The following SLC40A1 variants were observed in gnomAD, a reference collection of about 807,000 sequenced individuals.
SLC40A1 encodes ferroportin.
SLC40A1 carries 16 observed loss-of-function variants against 53.5 expected under a neutral mutation model. The observed-to-expected ratio is 0.30, with a 90% confidence interval of 0.20 to 0.45. The LOEUF (loss-of-function observed/expected upper bound fraction) is 0.45. Ranked by LOEUF, SLC40A1 falls within the 20% of genes least tolerant of loss-of-function variation. The pLI is 1.00. For synonymous variants in SLC40A1, 247 were observed against 253.2 expected (o/e 0.98, Z 0.23); for missense variants, 545 against 695.4 (o/e 0.78, Z 2.43).
chr2:189,571,529 A>G (rs2031124635), intron 5 of SLC40A1, among the ~76,000 whole-genome samples, 186 bp downstream of exon 5: 1 of 152,172 alleles, frequency 6.6e-6, no homozygotes, highest in Non-Finnish European at 1.5e-5. Flanking sequence ...CTATAAGTTA[A>G]CTTCGTAACA....
intron 2 of SLC40A1, chr2:189,578,116 T>TAA (rs2031347874): frequency 1.6e-5 from 10 of 644,230 alleles, no homozygotes; most frequent in Non-Finnish European, 1.7e-5. Flanking sequence ...CATATATATA[T>TAA]AATACATATA....
chr2:189,567,925 A>G (rs2030988536), intron 5 of SLC40A1, among the ~76,000 whole-genome samples: 1 of 152,224 alleles, frequency 6.6e-6, no homozygotes, highest in Non-Finnish European at 1.5e-5. Flanking sequence ...AAATAACTCA[A>G]TAATTGGAAT....
rs2030750243 is a variant in SLC40A1 at position 189,561,891 on chromosome 2, G to A, written c.1703C>T (p.Thr568Ile). The change falls in exon 8 of 8, where the codon ACA (threonine) becomes ATA (isoleucine). Residue 568 changes from threonine to isoleucine, a missense_variant. Thr to Ile is a moderately conservative substitution (Grantham distance 89). Around this residue, in one of 4 missense-constraint regions of SLC40A1, gnomAD observed 234 missense variants for 299.0 expected, o/e 0.78. Coordinates refer to ENST00000261024, the MANE Select transcript of SLC40A1 (RefSeq NM_014585.6). ...AGTTAAACTGTCTCAAACAACAGAT[G>A]TATTTGCTTGATTTTCCTTCCTAAC... is the stretch of plus-strand genomic sequence containing the variant. Reference protein sequence around the residue: ...KEVRKENQANTSVV With the variant: ...KEVRKENQANISVV The A allele has an allele frequency of 1.2e-6, 2 of 1,613,060 alleles. No individual in the cohort carries two copies. The highest frequency in any genetic ancestry group is 1.1e-5 in the South Asian group (1 of 91,068).
At chr2:189,577,502 TA>T (rs1236268714) in intron 2 of SLC40A1, among the ~76,000 whole-genome samples, 1 of 152,162 alleles carries the variant, frequency 6.6e-6, no homozygotes, top group Non-Finnish European at 1.5e-5. Context: ...TTATCAGATA[TA>T]AGCAACTGGC....
intron 2 of SLC40A1, among the ~76,000 whole-genome samples, chr2:189,577,794 T>TC (rs2031337047): frequency 6.6e-6 from 1 of 151,954 alleles, no homozygotes. Flanking sequence ...TTAAATTTTT[T>TC]TTTGCAGAGA....
chr2:189,562,312 C>T (rs2105618840), intron 7 of SLC40A1, 121 bp from the exon 8 acceptor site: 1 of 722,288 alleles, frequency 1.4e-6, no homozygotes, highest in South Asian at 1.8e-5. Context: ...CTTTAAGTCA[C>T]CTTAAATATA....
Position 189,563,802 on chromosome 2 carries a change from C to G in SLC40A1, c.1184G>C (p.Gly395Ala), listed in dbSNP as rs1306733740. ...ILCVISVFMP[G>A]SPLDLSVSPF... ...AGAAACGGACAAGTCCAGGGGGCTT[C>G]CAGGCATGAATACAGAGATCACACA... Residue 395 changes from glycine (G) to alanine (A), a missense_variant, in exon 7 of 8, where the codon GGA becomes GCA. This residue lies in a region of SLC40A1 where 234 missense variants were observed against 299.0 expected (regional missense o/e 0.78). Transcript: ENST00000261024. 1 of 1,614,062 alleles carries G rather than the reference C, an allele frequency of 6.2e-7. No individual in the cohort carries two copies. Among genetic ancestry groups the G allele is most frequent in the Non-Finnish European group, 8.5e-7 (1 of 1,180,040 alleles).
In SLC40A1 at chr2:189,575,237, C is replaced by A; in HGVS notation, c.195G>T (p.Gly65=). The A allele has an allele frequency of 1.2e-6, 2 of 1,614,162 alleles. No homozygotes were observed. Among genetic ancestry groups the A allele is most frequent in the East Asian group, 2.2e-5 (1 of 44,888 alleles). ...CCAGAACAGACCCTGCCACCACCAG[C>A]CCGTAGACTGCTGTCAAAAGGAGGC... ...GNSLLLTAVY[G]LVVAGSVLVL... is the part of the protein sequence containing the mutation. The change falls in exon 3 of 8, where the codon GGG becomes GGT. Residue 65 remains glycine (G), a synonymous_variant. Coordinates refer to ENST00000261024, the MANE Select transcript of SLC40A1 (RefSeq NM_014585.6).
chr2:189,563,013 G>T (rs1340780632), intron 7 of SLC40A1, among the ~76,000 whole-genome samples: 1 of 151,574 alleles, frequency 6.6e-6, no homozygotes, highest in African/African-American at 2.4e-5. Context: ...AATTAATATA[G>T]CTAATATCTT....
intron 1 of SLC40A1, 150 bp from the exon 2 acceptor site, chr2:189,580,030 A>C: frequency 4.8e-6 from 4 of 832,170 alleles, no homozygotes; most frequent in Non-Finnish European, 6.1e-6. Flanking sequence ...GTTACCTATG[A>C]ACCGATGTAT....
rs1335490502 is a variant in SLC40A1, at chr2:189,572,915, A to G, written c.318T>C (p.Cys106=). 1.2e-6 allele frequency: 2 copies of G among 1,614,062 alleles called. No individual in the cohort carries two copies. The highest frequency in any genetic ancestry group is 3.3e-5 in the Admixed American group (2 of 60,020). ...AGAAAACCATCATCAGGATGATTCC[A>G]CACAGGATGACTGAAACATTCTGTA... The part of the protein sequence containing the change: ...LVVQNVSVIL[C]GIILMMVFLH... Residue 106 remains cysteine, a synonymous_variant, in exon 4 of 8, where the codon TGT becomes TGC. Coordinates refer to ENST00000261024, the MANE Select transcript of SLC40A1 (RefSeq NM_014585.6).
intron 5 of SLC40A1, among the ~76,000 whole-genome samples, chr2:189,566,438 G>A (rs1166666748): frequency 6.6e-6 from 1 of 152,176 alleles, no homozygotes; most frequent in African/African-American, 2.4e-5. Flanking sequence ...AAATAGACAA[G>A]TCTTTTGGAT....
chr2:189,576,351 A>T (rs1379733937), intron 2 of SLC40A1, among the ~76,000 whole-genome samples: 1 of 152,226 alleles, frequency 6.6e-6, no homozygotes, highest in Admixed American at 6.5e-5. Context: ...GAAAAAATCC[A>T]TGTATTAGAA....
intron 5 of SLC40A1, among the ~76,000 whole-genome samples, chr2:189,569,783 C>T (rs924729589): frequency 6.6e-6 from 1 of 152,044 alleles, no homozygotes; most frequent in Non-Finnish European, 1.5e-5. Context: ...TGAAAAACAT[C>T]AGAAAGTTAG....
rs1044931713 is a variant in SLC40A1, at chr2:189,561,798, ATT to A, written c.*78_*79del. The A allele has an allele frequency of 8.0e-7, 1 of 1,245,922 alleles. No homozygotes were observed. The highest frequency in any genetic ancestry group is 1.5e-5 in the African/African-American group (1 of 67,520). The allele number at this position is 1,245,922 out of a possible 1,614,324, so 77.2% of individuals were successfully genotyped here. ...TAAAAACAGAGCAAAACACCCAGCC[ATT>A]TATTGGAATTCTGCAGTACAAAATA... is the stretch of plus-strand genomic sequence containing the variant. On this transcript the variant is annotated 3_prime_UTR_variant, in exon 8 of 8. Transcript: ENST00000261024.
In SLC40A1 at chr2:189,561,040, C is replaced by A. The variant is rs1390585245; in HGVS notation, c.*838G>T. On this transcript the variant is annotated 3_prime_UTR_variant, in exon 8 of 8. Transcript: ENST00000261024. ...TAACTTGCCAGGCTGAAGGCTTACA[C>A]CCTCATGTTCTACAACACAGATCAC... 1 of 152,188 alleles carries A rather than the reference C, an allele frequency of 6.6e-6. No homozygotes were observed. The highest frequency in any genetic ancestry group is 1.5e-5 in the Non-Finnish European group (1 of 68,040). 9.4% of individuals were successfully genotyped at this position (152,188 alleles called of 1,614,324 possible).
chr2:189,565,029 T>C (rs187386346), intron 6 of SLC40A1, among the ~76,000 whole-genome samples: 27 of 152,180 alleles, frequency 1.8e-4, no homozygotes, highest in Admixed American at 4.6e-4. Context: ...ATTCTCTCAT[T>C]CTCTTTTTTT....
chr2:189,562,299 T>TTAAAGACA, intron 7 of SLC40A1, 108 bp from the exon 8 acceptor site: 1 of 827,276 alleles, frequency 1.2e-6, no homozygotes, highest in Non-Finnish European at 1.9e-6. Context: ...TTAGCCTGAC[T>TTAAAGACA]GTCTTTAAGT....
intron 2 of SLC40A1, among the ~76,000 whole-genome samples, chr2:189,576,975 C>T (rs2031306087): frequency 6.6e-6 from 1 of 152,136 alleles, no homozygotes; most frequent in African/African-American, 2.4e-5. Context: ...GCTCACATTA[C>T]CCCAATTTCC....
Sources: allele counts gnomAD v4.1 joint callset (sites outside exome capture counted in the v4.1 genomes callset), GRCh38; gene constraint gnomAD v4.1.1; regional missense constraint gnomAD v4.1.1; transcripts MANE v1.5; gene names NCBI Gene and HGNC (gene_info 2026-07-23, HGNC 2026-07-21).